The following DPP10 variants were observed in gnomAD, a reference collection of about 807,000 sequenced individuals.
DPP10 encodes dipeptidyl peptidase like 10.
A neutral mutation model predicts 120.9 loss-of-function variants in DPP10; 33 were observed. The ratio of observed to expected loss-of-function variants is 0.27; its 90% CI spans 0.21 to 0.37. The LOEUF is 0.37. Ranked by LOEUF, DPP10 falls within the 10% of genes least tolerant of loss-of-function variation. DPP10 has a pLI of 1.00. For synonymous variants in DPP10, 337 were observed against 326.1 expected (o/e 1.03, Z -0.36); for missense variants, 816 against 942.8 (o/e 0.87, Z 1.76).
At chr2:114,762,836 T>C (rs141020264) in intron 1 of DPP10, among the ~76,000 whole-genome samples, 30 of 152,318 alleles carry the variant, frequency 2.0e-4, no homozygotes, top group African/African-American at 7.2e-4. Flanking sequence ...ACTGAGCATC[T>C]GTGATGTGAC....
intron 2 of DPP10, among the ~76,000 whole-genome samples, chr2:115,324,562 C>T (rs1018139340): frequency 5.9e-5 from 9 of 152,128 alleles, no homozygotes; most frequent in Admixed American, 5.2e-4. Context: ...AGAGTTAGGA[C>T]CTTACTCTAG....
intron 19 of DPP10, 197 bp from the exon 20 acceptor site, chr2:115,814,596 T>G: frequency 2.6e-6 from 1 of 391,992 alleles, no homozygotes; most frequent in Non-Finnish European, 4.4e-6. Context: ...AACTTTTCAA[T>G]TACAGTTTTA....
chr2:115,509,685 A>G (rs1385045597), intron 4 of DPP10, among the ~76,000 whole-genome samples: 1 of 152,164 alleles, frequency 6.6e-6, no homozygotes, highest in African/African-American at 2.4e-5. Flanking sequence ...ATAAAACAAA[A>G]GAACACAAAA....
chr2:114,564,848 A>G (rs1164789258), intron 1 of DPP10, among the ~76,000 whole-genome samples: 1 of 152,182 alleles, frequency 6.6e-6, no homozygotes, highest in Non-Finnish European at 1.5e-5. Context: ...GCTGTGGTGC[A>G]CTGTTTGTTT....
intron 7 of DPP10, among the ~76,000 whole-genome samples, chr2:115,695,191 A>T (rs2091519123): frequency 6.6e-6 from 1 of 152,222 alleles, no homozygotes; most frequent in African/African-American, 2.4e-5. Context: ...GCACAGGGAA[A>T]GATGCAGGCT....
At chr2:115,626,905 A>G (rs1054283527) in intron 5 of DPP10, among the ~76,000 whole-genome samples, 8 of 152,166 alleles carry the variant, frequency 5.3e-5, no homozygotes, top group African/African-American at 1.9e-4. Flanking sequence ...ACCACTCACT[A>G]AACACACATT....
At chr2:114,756,424 G>C (rs1323962659) in intron 1 of DPP10, among the ~76,000 whole-genome samples, 1 of 152,216 alleles carries the variant, frequency 6.6e-6, no homozygotes, top group East Asian at 1.9e-4. Flanking sequence ...AAGCTGGTGA[G>C]GAGGAACACA....
Position 114,501,658 on chromosome 2 carries a change from C to T in DPP10, c.60+58820C>T, listed in dbSNP as rs181249130. Reference sequence around the variant, plus strand: ...TCTAATGATTCATTGTACATTACTACGCCCCATTAGGTGTCTACATTACAT... The same window carrying T: ...TCTAATGATTCATTGTACATTACTATGCCCCATTAGGTGTCTACATTACAT... On this transcript the variant is annotated intron_variant, in intron 1 of 25. Coordinates refer to ENST00000410059, the MANE Select transcript of DPP10 (RefSeq NM_020868.6). Among the ~76,000 whole-genome samples, 44 of 152,264 alleles carry T rather than the reference C, an allele frequency of 2.9e-4. No individual in the cohort carries two copies. The South Asian group carries it at 6.0e-3, about 21-fold the overall frequency.
chr2:114,879,476 A>T (rs1490461509), intron 1 of DPP10, among the ~76,000 whole-genome samples: 1 of 152,312 alleles, frequency 6.6e-6, no homozygotes, highest in Non-Finnish European at 1.5e-5. Flanking sequence ...AGGACTTGAG[A>T]ATAATGAAAA....
intron 1 of DPP10, among the ~76,000 whole-genome samples, chr2:115,199,714 G>A (rs188196276): frequency 4.2e-4 from 64 of 152,190 alleles, no homozygotes; most frequent in African/African-American, 1.2e-3. Context: ...CATGTATCAA[G>A]ACTGAAGAGA....
At position 115,280,106 on chromosome 2, in the gene DPP10, AT is replaced by A. The variant is rs567960453; in HGVS notation, c.61-29128del. On this transcript the variant is annotated intron_variant, in intron 1 of 25. Transcript: ENST00000410059. Reference sequence around the variant, plus strand: ...ACAAGATTCTGAATTTGGACTTGTGATTTTTGAGGCAAAAATAATAGGTTGA... The same window carrying A: ...ACAAGATTCTGAATTTGGACTTGTGATTTTGAGGCAAAAATAATAGGTTGA... 6.3e-3 allele frequency among the ~76,000 whole-genome samples: 964 copies of A among 152,260 alleles called. 10 individuals are homozygous for A. The highest frequency in any genetic ancestry group is 6.8e-3 in the Middle Eastern group (2 of 294).
At chr2:114,629,637 C>T (rs1484521899) in intron 1 of DPP10, among the ~76,000 whole-genome samples, 1 of 152,108 alleles carries the variant, frequency 6.6e-6, no homozygotes, top group East Asian at 1.9e-4. Context: ...TGATGCCTGG[C>T]AGTAGTGAAA....
At chr2:114,534,258 T>C (rs979499970) in intron 1 of DPP10, among the ~76,000 whole-genome samples, 2 of 152,182 alleles carry the variant, frequency 1.3e-5, no homozygotes, top group African/African-American at 2.4e-5. Context: ...GGTCTTCTTT[T>C]GGCATGGTCT....
chr2:114,943,701 T>G (rs770124819), intron 1 of DPP10, among the ~76,000 whole-genome samples: 5 of 152,222 alleles, frequency 3.3e-5, no homozygotes, highest in Non-Finnish European at 7.3e-5. Context: ...TGATTTATAA[T>G]CCTTTGGGTA....
At chr2:115,554,831 T>C (rs1193006423) in intron 5 of DPP10, among the ~76,000 whole-genome samples, 4 of 152,188 alleles carry the variant, frequency 2.6e-5, no homozygotes, top group Non-Finnish European at 5.9e-5. Context: ...AAAATATACA[T>C]TTCCTTGGTT....
chr2:114,725,539 T>C (rs1701988459), intron 1 of DPP10, among the ~76,000 whole-genome samples: 1 of 152,240 alleles, frequency 6.6e-6, no homozygotes, highest in South Asian at 2.1e-4. Context: ...ACATCTTCTT[T>C]GGATGATGCT....
chr2:115,257,895 A>G (rs1255595377), intron 1 of DPP10, among the ~76,000 whole-genome samples: 1 of 152,196 alleles, frequency 6.6e-6, no homozygotes, highest in Non-Finnish European at 1.5e-5. Context: ...AAAGTTATAA[A>G]GAGTCCTAGA....
intron 3 of DPP10, among the ~76,000 whole-genome samples, chr2:115,383,472 G>A (rs950489632): frequency 1.3e-5 from 2 of 152,134 alleles, no homozygotes; most frequent in African/African-American, 2.4e-5. Flanking sequence ...GCCTTTATCA[G>A]CAGCATGAAA....
At chr2:114,857,456 A>G (rs1689460929) in intron 1 of DPP10, among the ~76,000 whole-genome samples, 1 of 152,118 alleles carries the variant, frequency 6.6e-6, no homozygotes, top group African/African-American at 2.4e-5. Context: ...ATTGGTTCAG[A>G]CCCGTTGGAT....
Sources: gnomAD v4.1 joint callset for allele counts (sites outside exome capture counted in the v4.1 genomes callset) on GRCh38, gnomAD v4.1.1 for gene constraint, MANE v1.5 for transcripts, NCBI Gene and HGNC (gene_info 2026-07-23, HGNC 2026-07-21) for gene names.